The following ENTHD1 variants were observed in gnomAD, a reference collection of about 807,000 sequenced individuals.
ENTHD1 encodes ENTH domain containing 1, also known as ENTH domain-containing protein 1.
A neutral mutation model predicts 39.1 loss-of-function variants in ENTHD1; 23 were observed. That is an observed-to-expected ratio of 0.59 (90% CI 0.42 to 0.83). The LOEUF is 0.83. Ranked by LOEUF, ENTHD1 falls within the 40% of genes least tolerant of loss-of-function variation. The pLI, the probability that ENTHD1 is intolerant of heterozygous loss-of-function variation, is 0.00. For missense variants in ENTHD1, 624 were observed against 705.4 expected (o/e 0.88, Z 1.31); for synonymous variants, 230 against 258.2 (o/e 0.89, Z 1.05).
intron 5 of ENTHD1, among the ~76,000 whole-genome samples, chr22:39,788,625 C>T (rs1423544898): frequency 6.6e-6 from 1 of 152,110 alleles, no homozygotes; most frequent in African/African-American, 2.4e-5. Context: ...AGAGGATTGA[C>T]CCCAATTTTG....
intron 5 of ENTHD1, among the ~76,000 whole-genome samples, chr22:39,812,017 A>AAC (rs905259518): frequency 1.2e-4 from 15 of 121,040 alleles, no homozygotes; most frequent in East Asian, 4.4e-4. Flanking sequence ...CAAACAAACA[A>AAC]AAAAAAAACG....
intron 6 of ENTHD1, among the ~76,000 whole-genome samples, chr22:39,748,586 AT>A (rs11327010): frequency 0.095 from 13,987 of 147,318 alleles, 714 homozygotes; most frequent in African/African-American, 0.14. Context: ...ACGCCCGGCT[AT>A]TTTTTTTTTG....
intron 5 of ENTHD1, 25 bp from the exon 6 acceptor site, chr22:39,765,634 T>C (rs1192589299): frequency 1.3e-6 from 2 of 1,552,406 alleles, no homozygotes; most frequent in Non-Finnish European, 1.7e-6. Flanking sequence ...ATAAGAGCTA[T>C]AATCAAAAAA....
intron 6 of ENTHD1, among the ~76,000 whole-genome samples, chr22:39,751,507 T>C (rs979471122): frequency 2.6e-5 from 4 of 152,250 alleles, no homozygotes; most frequent in Non-Finnish European, 5.9e-5. Context: ...TAATTAGATG[T>C]ACAGATGTTT....
At chr22:39,776,049 G>A (rs554667970) in intron 5 of ENTHD1, among the ~76,000 whole-genome samples, 1 of 151,894 alleles carries the variant, frequency 6.6e-6, no homozygotes, top group South Asian at 2.1e-4. Context: ...CACCACATCT[G>A]GTTAATTTTT....
intron 1 of ENTHD1, among the ~76,000 whole-genome samples, chr22:39,893,020 G>C (rs1027647106): frequency 6.6e-6 from 1 of 152,110 alleles, no homozygotes; most frequent in East Asian, 1.9e-4. Flanking sequence ...TGGAGAAACA[G>C]GTGCACAAGA....
At chr22:39,878,613 A>G (rs1420175256) in intron 2 of ENTHD1, among the ~76,000 whole-genome samples, 1 of 152,148 alleles carries the variant, frequency 6.6e-6, no homozygotes, top group Non-Finnish European at 1.5e-5. Context: ...AGTGAAGGAG[A>G]AATAAAGACT....
intron 1 of ENTHD1, among the ~76,000 whole-genome samples, chr22:39,890,154 G>T (rs1025721709): frequency 6.7e-6 from 1 of 150,114 alleles, no homozygotes; most frequent in Non-Finnish European, 1.5e-5. Flanking sequence ...AAATAAAAAA[G>T]AAAATGTATT....
chr22:39,839,045 TC>T lies in ENTHD1; in HGVS notation c.593-3088del, dbSNP rs1229447315. On this transcript the variant is annotated intron_variant, in intron 3 of 6. Coordinates refer to ENST00000325157, the MANE Select transcript of ENTHD1 (RefSeq NM_152512.4). ...TTAACAGTTTGCTTGTTTTTTCTTT[TC>T]TTTTGTCCTTAATGTCAATATTTAC... Among the ~76,000 whole-genome samples, 4 of 152,296 alleles carry T rather than the reference TC, an allele frequency of 2.6e-5. No individual in the cohort carries two copies. The East Asian group carries it at 7.7e-4, about 29-fold the overall frequency.
intron 6 of ENTHD1, among the ~76,000 whole-genome samples, chr22:39,755,015 G>A (rs879533696): frequency 6.6e-6 from 1 of 152,150 alleles, no homozygotes; most frequent in Non-Finnish European, 1.5e-5. Flanking sequence ...GCTTTACTAA[G>A]CTGCCTTTGG....
At chr22:39,802,610 T>C (rs1311739271) in intron 5 of ENTHD1, among the ~76,000 whole-genome samples, 1 of 152,196 alleles carries the variant, frequency 6.6e-6, no homozygotes, top group Non-Finnish European at 1.5e-5. Context: ...TGACCCACCT[T>C]GGGGAAGAGG....
intron 6 of ENTHD1, among the ~76,000 whole-genome samples, chr22:39,762,941 A>G (rs1301366658): frequency 6.6e-6 from 1 of 151,972 alleles, no homozygotes; most frequent in South Asian, 2.1e-4. Flanking sequence ...ATATCCTAGT[A>G]TGCTTGGTAA....
At chr22:39,861,359 C>T (rs1040507969) in intron 3 of ENTHD1, among the ~76,000 whole-genome samples, 1 of 151,960 alleles carries the variant, frequency 6.6e-6, no homozygotes, top group Non-Finnish European at 1.5e-5. Context: ...GGGCAACATG[C>T]TGAAACCCTG....
At chr22:39,870,662 C>T (rs540148934) in intron 2 of ENTHD1, among the ~76,000 whole-genome samples, 5 of 152,196 alleles carry the variant, frequency 3.3e-5, no homozygotes, top group African/African-American at 1.2e-4. Flanking sequence ...GCATACTTGC[C>T]ATTCAGTCGG....
At chr22:39,820,931 G>T in intron 5 of ENTHD1, 62 bp downstream of exon 5, 1 of 1,586,796 alleles carries the variant, frequency 6.3e-7, no homozygotes, top group South Asian at 1.1e-5. Context: ...AGAAGCCAAC[G>T]GTTGCTGTAC....
intron 3 of ENTHD1, among the ~76,000 whole-genome samples, chr22:39,855,223 CAT>C (rs1351259254): frequency 6.6e-6 from 1 of 152,184 alleles, no homozygotes; most frequent in African/African-American, 2.4e-5. Flanking sequence ...CTAAGCTAAA[CAT>C]TCCTTCTGTT....
chr22:39,751,045 A>G (rs1434618568), intron 6 of ENTHD1: 1 of 153,222 alleles, frequency 6.5e-6, no homozygotes, highest in Non-Finnish European at 1.5e-5. Flanking sequence ...TGGCAGATCC[A>G]TTCATAAGAG....
rs140638832 is a variant in ENTHD1, at chr22:39,838,219, G to C, written c.593-2261C>G. Among the ~76,000 whole-genome samples, 490 of 152,136 alleles carry C rather than the reference G, an allele frequency of 3.2e-3. 4 individuals are homozygous for C. Among genetic ancestry groups the C allele is most frequent in the African/African-American group, 0.011 (468 of 41,518 alleles). ...ATTAATAGTTATTTAATAAATTTTAGTATGAATTTTTTTGGTATTCTTCCC... is the reference window on the plus strand; with the variant it reads ...ATTAATAGTTATTTAATAAATTTTACTATGAATTTTTTTGGTATTCTTCCC... On this transcript the variant is annotated intron_variant, in intron 3 of 6. Coordinates refer to ENST00000325157, the MANE Select transcript of ENTHD1 (RefSeq NM_152512.4).
At chr22:39,752,227 A>G (rs961081541) in intron 6 of ENTHD1, among the ~76,000 whole-genome samples, 9 of 152,202 alleles carry the variant, frequency 5.9e-5, no homozygotes, top group African/African-American at 2.2e-4. Flanking sequence ...AATTAGCCAT[A>G]AAAAGCAATG....
Sources: allele counts gnomAD v4.1 joint callset (sites outside exome capture counted in the v4.1 genomes callset), GRCh38; gene constraint gnomAD v4.1.1; transcripts MANE v1.5; gene names NCBI Gene and HGNC (gene_info 2026-07-23, HGNC 2026-07-21).